The following ZNF536 variants were observed in gnomAD, a reference collection of about 807,000 sequenced individuals.
ZNF536 encodes zinc finger protein 536.
A neutral mutation model predicts 84.5 loss-of-function variants in ZNF536; 13 were observed. That is an observed-to-expected ratio of 0.15 (90% confidence interval 0.10 to 0.24). ZNF536 has a LOEUF of 0.24. ZNF536 is among the 10% of genes least tolerant of loss of function. ZNF536 has a pLI of 1.00. For missense variants in ZNF536, 1,536 were observed against 1,747.5 expected (o/e 0.88, Z 2.16); for synonymous variants, 811 against 742.5 (o/e 1.09, Z -1.50).
In ZNF536 at chr19:30,439,955, C is replaced by CTTTTTTTTTTTTTT. The variant is rs1369505835; in HGVS notation, c.-2-3603_-2-3602insTTTTTTTTTTTTTT. On this transcript the variant is annotated intron_variant, in intron 1 of 4. Coordinates refer to ENST00000355537, the MANE Select transcript of ZNF536 (RefSeq NM_014717.3). ...TTCTTTCTTTCTTTTCTTTTTCTTT[C>CTTTTTTTTTTTTTT]TTTCTTTTTTTTTTTTTTTTTTTTT... Among the ~76,000 whole-genome samples the CTTTTTTTTTTTTTT allele has an allele frequency of 2.7e-4, 36 of 133,050 alleles. No homozygotes were observed. The East Asian group carries it at 2.7e-3, about 10-fold the overall frequency. 87.3% of individuals were successfully genotyped at this position (133,050 alleles called of 152,430 possible).
At position 30,622,890 on chromosome 19, in the gene ZNF536, G is replaced by A. The variant is rs539313667; in HGVS notation, c.169+73376G>A. Among the ~76,000 whole-genome samples, 140 of 150,798 alleles carry A rather than the reference G, an allele frequency of 9.3e-4. 1 individual carries two copies. The highest frequency in any genetic ancestry group is 1.6e-3 in the Non-Finnish European group (107 of 67,812). Reference sequence around the variant, plus strand: ...TCCCTGACCTCCTGTATCCTCCAAGGCAGACAACCTAGGAAGCCCCTGCCC... The same window carrying A: ...TCCCTGACCTCCTGTATCCTCCAAGACAGACAACCTAGGAAGCCCCTGCCC... On this transcript the variant is annotated intron_variant, in intron 1 of 1. Coordinates refer to the ZNF536 transcript ENST00000592773.
intron 3 of ZNF536, among the ~76,000 whole-genome samples, chr19:30,360,953 C>T (rs778547849): frequency 2.0e-5 from 3 of 152,244 alleles, no homozygotes; most frequent in African/African-American, 2.4e-5. Flanking sequence ...ATGACCACAT[C>T]TGGGTAGCCT....
intron 1 of ZNF536, among the ~76,000 whole-genome samples, chr19:30,684,969 G>A (rs566504483): frequency 6.6e-6 from 1 of 152,304 alleles, no homozygotes; most frequent in Non-Finnish European, 1.5e-5. Context: ...TTATGTGGGA[G>A]GGGGTTGTCT....
intron 1 of ZNF536, among the ~76,000 whole-genome samples, chr19:30,649,192 T>C (rs541868530): frequency 2.1e-4 from 32 of 152,290 alleles, no homozygotes; most frequent in African/African-American, 7.2e-4. Flanking sequence ...GAGCAAAAAG[T>C]GAGAGTCACA....
chr19:30,303,222 C>T (rs1041978760), intron 2 of ZNF536, among the ~76,000 whole-genome samples: 2 of 152,206 alleles, frequency 1.3e-5, no homozygotes, highest in South Asian at 2.1e-4. Context: ...CACTGCTATA[C>T]ACCTGCTCCA....
chr19:30,412,312 T>A (rs2050527216), intron 1 of ZNF536, among the ~76,000 whole-genome samples: 1 of 152,004 alleles, frequency 6.6e-6, no homozygotes, highest in South Asian at 2.1e-4. Context: ...ACAGAAATAA[T>A]TCCAATGTTT....
At chr19:30,678,677 A>G (rs867401347) in intron 1 of ZNF536, among the ~76,000 whole-genome samples, 4 of 152,086 alleles carry the variant, frequency 2.6e-5, no homozygotes, top group Non-Finnish European at 4.4e-5. Flanking sequence ...GAGAAATCAG[A>G]CTATGTCTGG....
intron 2 of ZNF536, among the ~76,000 whole-genome samples, chr19:30,514,009 G>A (rs188739011): frequency 2.6e-5 from 4 of 152,204 alleles, no homozygotes; most frequent in African/African-American, 4.8e-5. Flanking sequence ...CTTTCTGTGT[G>A]GGGGAGCAAT....
At chr19:30,369,593 A>C (rs2040345931), upstream of ZNF536, among the ~76,000 whole-genome samples, 1 of 152,228 alleles carries the variant, frequency 6.6e-6, no homozygotes, top group Admixed American at 6.5e-5. Context: ...GTAAAGGAAA[A>C]GACAAAATTC....
At chr19:30,406,190 A>G (rs1190959002) in intron 1 of ZNF536, among the ~76,000 whole-genome samples, 2 of 152,216 alleles carry the variant, frequency 1.3e-5, no homozygotes, top group African/African-American at 4.8e-5. Context: ...GAGAGACACA[A>G]TCATTGTTAA....
intron 1 of ZNF536, among the ~76,000 whole-genome samples, chr19:30,420,149 T>A (rs4805564): frequency 1.3e-5 from 2 of 152,180 alleles, no homozygotes; most frequent in African/African-American, 2.4e-5. Context: ...CTGGCTTAAC[T>A]CTTTTAACAA....
intron 2 of ZNF536, among the ~76,000 whole-genome samples, chr19:30,452,766 T>C (rs1264473553): frequency 6.6e-6 from 1 of 152,046 alleles, no homozygotes; most frequent in Non-Finnish European, 1.5e-5. Flanking sequence ...TCCGTGATGA[T>C]TGGACTGGAA....
At chr19:30,334,666 G>A (rs2047321799) in intron 2 of ZNF536, among the ~76,000 whole-genome samples, 1 of 152,138 alleles carries the variant, frequency 6.6e-6, no homozygotes, top group African/African-American at 2.4e-5. Flanking sequence ...TGACACGGTG[G>A]GTTGATCATG....
intron 2 of ZNF536, among the ~76,000 whole-genome samples, chr19:30,300,066 G>A (rs886463318): frequency 1.3e-5 from 2 of 152,140 alleles, no homozygotes; most frequent in African/African-American, 2.4e-5. Context: ...ATTGGAAATG[G>A]CATTTGTGAT....
chr19:30,511,666 C>G (rs2055419372), intron 2 of ZNF536, among the ~76,000 whole-genome samples: 1 of 152,130 alleles, frequency 6.6e-6, no homozygotes. Context: ...TAAAGTGTTA[C>G]AAATTAACAT....
chr19:30,494,211 A>C (rs755739715), intron 2 of ZNF536, among the ~76,000 whole-genome samples: 1 of 152,204 alleles, frequency 6.6e-6, no homozygotes, highest in Non-Finnish European at 1.5e-5. Flanking sequence ...CAGACAGACA[A>C]GGCAGACAGA....
chr19:30,383,234 G>A (rs560440543), intron 1 of ZNF536, among the ~76,000 whole-genome samples: 1 of 152,268 alleles, frequency 6.6e-6, no homozygotes, highest in South Asian at 2.1e-4. Flanking sequence ...AGGTTGCAGT[G>A]AGCTGAGACC....
At chr19:30,566,288 C>T (rs1395623451) in intron 1 of ZNF536, among the ~76,000 whole-genome samples, 4 of 152,128 alleles carry the variant, frequency 2.6e-5, no homozygotes, top group Non-Finnish European at 5.9e-5. Context: ...TGACTGTTTC[C>T]CCAAAATATC....
chr19:30,432,235 C>T (rs922174043), intron 1 of ZNF536, among the ~76,000 whole-genome samples: 3 of 152,140 alleles, frequency 2.0e-5, no homozygotes, highest in African/African-American at 7.2e-5. Flanking sequence ...CATTCCCAAA[C>T]TGCAGTCCGT....
Sources: gnomAD v4.1 joint callset for allele counts (sites outside exome capture counted in the v4.1 genomes callset) on GRCh38, gnomAD v4.1.1 for gene constraint, MANE v1.5 for transcripts, NCBI Gene and HGNC (gene_info 2026-07-23, HGNC 2026-07-21) for gene names.